RBFOX1: variants seen among roughly 807,000 people sequenced by gnomAD.
RBFOX1 encodes the protein RNA binding protein fox-1 homolog 1.
A neutral mutation model predicts 57.7 loss-of-function variants in RBFOX1; 8 were observed. The observed-to-expected ratio is 0.14, with a 90% confidence interval of 0.08 to 0.25. The LOEUF is 0.25. Ranked by LOEUF, RBFOX1 falls within the 10% of genes least tolerant of loss-of-function variation. The pLI, the probability that RBFOX1 is intolerant of heterozygous loss-of-function variation, is 1.00. For synonymous variants in RBFOX1, 326 were observed against 222.4 expected (o/e 1.47, Z -4.15); for missense variants, 611 against 548.5 (o/e 1.11, Z -1.14).
intron 1 of RBFOX1, among the ~76,000 whole-genome samples, chr16:6,308,250 A>G (rs2079777127): frequency 1.3e-5 from 2 of 152,138 alleles, no homozygotes; most frequent in South Asian, 2.1e-4. Flanking sequence ...AATGATCATC[A>G]TCTGTTATTT....
chr16:7,097,580 T>A (rs141381825), intron 4 of RBFOX1, among the ~76,000 whole-genome samples: 18 of 152,328 alleles, frequency 1.2e-4, no homozygotes, highest in Non-Finnish European at 2.5e-4. Flanking sequence ...CTGCCTCAAA[T>A]AATCAAATTC....
At chr16:6,618,540 A>T (rs1219007525) in intron 2 of RBFOX1, among the ~76,000 whole-genome samples, 1 of 152,200 alleles carries the variant, frequency 6.6e-6, no homozygotes, top group Non-Finnish European at 1.5e-5. Flanking sequence ...TATAATCCTC[A>T]TAAAAGTCTC....
intron 4 of RBFOX1, among the ~76,000 whole-genome samples, chr16:7,194,373 T>C (rs959902781): frequency 2.0e-5 from 3 of 152,198 alleles, no homozygotes; most frequent in South Asian, 2.1e-4. Flanking sequence ...CATTTCAATT[T>C]AAACAAAGCA....
chr16:7,412,298 T>G (rs972990956), intron 4 of RBFOX1, among the ~76,000 whole-genome samples: 5 of 150,914 alleles, frequency 3.3e-5, no homozygotes, highest in Non-Finnish European at 7.4e-5. Flanking sequence ...GCCTGTAATC[T>G]CAGCTCCTCA....
chr16:6,904,598 C>G (rs1213602255), intron 3 of RBFOX1, among the ~76,000 whole-genome samples: 3 of 45,862 alleles, frequency 6.5e-5, no homozygotes, highest in East Asian at 9.1e-4. Context: ...GAGACTCTCT[C>G]TAAAAAAAAA....
intron 2 of RBFOX1, among the ~76,000 whole-genome samples, chr16:6,650,086 G>C (rs1568042961): frequency 6.6e-6 from 1 of 152,176 alleles, no homozygotes; most frequent in Non-Finnish European, 1.5e-5. Context: ...TGAATATGCA[G>C]TAGTCGGATT....
chr16:5,728,681 TTGTC>T (rs1487324561), intron 3 of RBFOX1, among the ~76,000 whole-genome samples: 1 of 152,130 alleles, frequency 6.6e-6, no homozygotes, highest in African/African-American at 2.4e-5. Flanking sequence ...ATATCCTTCT[TTGTC>T]TGGCCGCCCC....
chr16:7,029,249 T>TAG (rs2042139158), intron 3 of RBFOX1, among the ~76,000 whole-genome samples: 1 of 68,838 alleles, frequency 1.5e-5, no homozygotes, highest in African/African-American at 5.7e-5. Context: ...TACGTATATA[T>TAG]ATACACACAT....
chr16:6,889,735 T>C (rs1021021179), intron 3 of RBFOX1, among the ~76,000 whole-genome samples: 17 of 152,188 alleles, frequency 1.1e-4, no homozygotes, highest in Non-Finnish European at 1.8e-4. Flanking sequence ...GTTTGTGTAA[T>C]CTTGGAATAG....
At chr16:5,766,460 C>G (rs1344942540) in intron 3 of RBFOX1, among the ~76,000 whole-genome samples, 1 of 152,140 alleles carries the variant, frequency 6.6e-6, no homozygotes, top group Non-Finnish European at 1.5e-5. Context: ...TGGCACATGC[C>G]TGTAGTACCA....
At chr16:6,752,423 G>C (rs2075094842) in intron 3 of RBFOX1, among the ~76,000 whole-genome samples, 1 of 152,100 alleles carries the variant, frequency 6.6e-6, no homozygotes, top group Admixed American at 6.6e-5. Flanking sequence ...GGAAGTGATA[G>C]CTCCATGTTT....
intron 14 of RBFOX1, among the ~76,000 whole-genome samples, chr16:7,703,100 A>G (rs2081301123): frequency 6.9e-6 from 1 of 144,694 alleles, no homozygotes; most frequent in South Asian, 2.3e-4. Flanking sequence ...GCATGCTTTT[A>G]GAACCACTGA....
chr16:6,696,369 C>T (rs543101802), intron 3 of RBFOX1, among the ~76,000 whole-genome samples: 1 of 152,110 alleles, frequency 6.6e-6, no homozygotes, highest in Non-Finnish European at 1.5e-5. Flanking sequence ...TTATAATATG[C>T]AGTGAGTCTT....
At chr16:7,560,368 T>A (rs746742862) in intron 5 of RBFOX1, among the ~76,000 whole-genome samples, 1 of 152,062 alleles carries the variant, frequency 6.6e-6, no homozygotes, top group African/African-American at 2.4e-5. Context: ...CTGCAAAAAA[T>A]TTCATTTCAG....
At chr16:6,559,400 AC>A in intron 2 of RBFOX1, among the ~76,000 whole-genome samples, 1 of 152,212 alleles carries the variant, frequency 6.6e-6, no homozygotes, top group East Asian at 1.9e-4. Flanking sequence ...ATATAGATCC[AC>A]ACACAGCTGC....
intron 13 of RBFOX1, among the ~76,000 whole-genome samples, chr16:7,669,045 C>T (rs1237699703): frequency 6.6e-6 from 1 of 152,182 alleles, no homozygotes; most frequent in East Asian, 1.9e-4. Context: ...ACTGGGATTA[C>T]AGGCACTCGC....
intron 4 of RBFOX1, among the ~76,000 whole-genome samples, chr16:5,904,748 TGG>T: frequency 1.3e-5 from 2 of 151,666 alleles, no homozygotes; most frequent in South Asian, 4.2e-4. Flanking sequence ...GAGGCTGAGG[TGG>T]GCAGATCACG....
chr16:6,817,074 T>C (rs1004555974), intron 3 of RBFOX1, among the ~76,000 whole-genome samples: 1 of 152,176 alleles, frequency 6.6e-6, no homozygotes, highest in Non-Finnish European at 1.5e-5. Flanking sequence ...TGCAAATCAA[T>C]GAATTGGACT....
intron 4 of RBFOX1, among the ~76,000 whole-genome samples, chr16:7,138,743 C>G (rs1215826253): frequency 5.3e-5 from 8 of 152,168 alleles, no homozygotes; most frequent in Non-Finnish European, 5.9e-5. Flanking sequence ...ATGCTTGAGA[C>G]TTGAATATTT....
Sources: gnomAD v4.1 joint callset for allele counts (sites outside exome capture counted in the v4.1 genomes callset) on GRCh38, gnomAD v4.1.1 for gene constraint, MANE v1.5 for transcripts, NCBI Gene and HGNC (gene_info 2026-07-23, HGNC 2026-07-21) for gene names.